The following RORB variants were observed in gnomAD, a reference collection of about 807,000 sequenced individuals.
RORB encodes the protein nuclear receptor ROR-beta.
RORB carries 6 observed loss-of-function variants against 59.1 expected under a neutral mutation model. The observed-to-expected ratio is 0.10, with a 90% CI of 0.06 to 0.20. The LOEUF is 0.20. Among genes scored for constraint, RORB ranks in the 10% least tolerant of loss-of-function variants. RORB has a pLI of 1.00. For missense variants in RORB, 320 were observed against 560.5 expected (o/e 0.57, Z 4.33); for synonymous variants, 215 against 204.5 (o/e 1.05, Z -0.44).
chr9:74,564,051 G>A (rs919262640), intron 1 of RORB, among the ~76,000 whole-genome samples: 5 of 152,048 alleles, frequency 3.3e-5, no homozygotes, highest in Non-Finnish European at 5.9e-5. Flanking sequence ...TCTCTTCTTC[G>A]ACACATATCA....
intron 1 of RORB, chr9:74,498,277 C>G (rs939642692): frequency 1.3e-5 from 6 of 455,498 alleles, no homozygotes; most frequent in East Asian, 9.9e-5. Flanking sequence ...TTTTGCTTGT[C>G]GCTCTCGGGT....
intron 1 of RORB, among the ~76,000 whole-genome samples, chr9:74,606,935 T>C (rs1823158708): frequency 4.6e-5 from 7 of 152,208 alleles, no homozygotes; most frequent in Admixed American, 4.6e-4. Context: ...TTGTTGTTCT[T>C]GTTGTTGTGA....
At chr9:74,680,578 T>C (rs1191522793) in intron 9 of RORB, among the ~76,000 whole-genome samples, 4 of 152,148 alleles carry the variant, frequency 2.6e-5, no homozygotes, top group African/African-American at 4.8e-5. Context: ...GTCAGGATTG[T>C]GGGGGCAGGG....
At chr9:74,596,805 T>A (rs995013939) in intron 1 of RORB, among the ~76,000 whole-genome samples, 1 of 152,226 alleles carries the variant, frequency 6.6e-6, no homozygotes, top group Non-Finnish European at 1.5e-5. Context: ...TTTAAGCTAA[T>A]TAAAATGAAA....
At chr9:74,576,078 C>T (rs1055919999) in intron 1 of RORB, among the ~76,000 whole-genome samples, 15 of 152,000 alleles carry the variant, frequency 9.9e-5, no homozygotes, top group African/African-American at 3.1e-4. Flanking sequence ...TAAACAGCCT[C>T]GCTGTTTGTG....
At chr9:74,522,135 A>G (rs1826093101) in intron 1 of RORB, among the ~76,000 whole-genome samples, 1 of 151,790 alleles carries the variant, frequency 6.6e-6, no homozygotes, top group Non-Finnish European at 1.5e-5. Flanking sequence ...TCTAGAAAAC[A>G]TTTATAATTA....
chr9:74,608,505 A>C (rs1823184330), intron 1 of RORB, among the ~76,000 whole-genome samples: 1 of 149,094 alleles, frequency 6.7e-6, no homozygotes, highest in East Asian at 2.0e-4. Context: ...CGGAGCTTGC[A>C]GTGAGCCGAG....
At chr9:74,623,731 A>G (rs921200740) in intron 1 of RORB, among the ~76,000 whole-genome samples, 44 of 152,168 alleles carry the variant, frequency 2.9e-4, no homozygotes, top group African/African-American at 9.9e-4. Context: ...GGAGATGCCA[A>G]TGCCACTGTT....
Position 74,685,515 on chromosome 9 carries a change from A to G in RORB, c.1277A>G (p.Lys426Arg), listed in dbSNP as rs1477081679. 1 of 1,613,364 alleles carries G rather than the reference A, an allele frequency of 6.2e-7. No homozygotes were observed. The highest frequency in any genetic ancestry group is 8.5e-7 in the Non-Finnish European group (1 of 1,179,526). Residue 426 changes from lysine (K) to arginine (R), a missense_variant, in exon 10 of 10, where the codon AAG becomes AGG. Lys to Arg is a conservative substitution (Grantham distance 26). Transcript: ENST00000376896. ...GCAGTTTGCAACTTGCACGGGGAGAAGCTGCAGGTATTTAAGCAATCTCAT... is the reference window on the plus strand; with the variant it reads ...GCAGTTTGCAACTTGCACGGGGAGAGGCTGCAGGTATTTAAGCAATCTCAT... ...ITAVCNLHGEKLQVFKQSHPE... is the reference protein window; with the variant it reads ...ITAVCNLHGERLQVFKQSHPE...
intron 1 of RORB, among the ~76,000 whole-genome samples, chr9:74,602,758 A>T (rs995634562): frequency 4.5e-4 from 68 of 152,172 alleles, no homozygotes; most frequent in Admixed American, 2.0e-4. Flanking sequence ...CTGTAGAGAA[A>T]TTTTTCACTG....
At chr9:74,567,090 T>C (rs1275165765) in intron 1 of RORB, among the ~76,000 whole-genome samples, 2 of 151,680 alleles carry the variant, frequency 1.3e-5, no homozygotes, top group Non-Finnish European at 2.9e-5. Context: ...TGCAACGGCG[T>C]GATCTCGGCT....
At chr9:74,627,160 C>CA (rs5898367) in intron 1 of RORB, among the ~76,000 whole-genome samples, 80,836 of 132,608 alleles carry the variant, frequency 0.61, 24,567 homozygotes, top group Non-Finnish European at 0.69. Flanking sequence ...GACTCCATCT[C>CA]AAAAAAAAAA....
At chr9:74,603,747 C>T (rs1179842963) in intron 1 of RORB, among the ~76,000 whole-genome samples, 2 of 152,168 alleles carry the variant, frequency 1.3e-5, no homozygotes, top group Non-Finnish European at 2.9e-5. Flanking sequence ...TTATAGATGG[C>T]TCTAATACAT....
In RORB at chr9:74,527,743, G is replaced by T. The variant is rs1826177638; in HGVS notation, c.7+29760G>T. Among the ~76,000 whole-genome samples, 3 of 152,024 alleles carry T rather than the reference G, an allele frequency of 2.0e-5. No homozygotes were observed. The South Asian group carries it at 6.2e-4, about 31-fold the overall frequency. The stretch of plus-strand genomic sequence containing the variant: ...GCTCTTTGCACCATATCCTGTGCCT[G>T]TCTTGGGAGTTTAGGAGTTGTCCCT... On this transcript the variant is annotated intron_variant, in intron 1 of 9. Coordinates refer to ENST00000376896, the MANE Select transcript of RORB (RefSeq NM_006914.4).
chr9:74,636,422 A>G (rs561411910), intron 3 of RORB, among the ~76,000 whole-genome samples: 1 of 152,300 alleles, frequency 6.6e-6, no homozygotes, highest in African/African-American at 2.4e-5. Context: ...CATGGGCAAG[A>G]GATGAATATA....
At chr9:74,534,450 T>A (rs1038196616) in intron 1 of RORB, among the ~76,000 whole-genome samples, 3 of 152,066 alleles carry the variant, frequency 2.0e-5, no homozygotes, top group African/African-American at 7.2e-5. Context: ...GTCTTTAGCA[T>A]CATTAATGAG....
intron 3 of RORB, among the ~76,000 whole-genome samples, chr9:74,637,538 G>T (rs970748920): frequency 6.6e-6 from 1 of 152,156 alleles, no homozygotes; most frequent in East Asian, 1.9e-4. Flanking sequence ...CTGTGTGTGT[G>T]TGTGAATTGG....
rs552550440 is a variant in RORB, at chr9:74,573,382, T to A, written c.8-56900T>A. ...CTAAATGACAACGTCAGTGCTTGAATTTTTTCCACAGAAGGCCAGGAAGCA... is the reference window on the plus strand; with the variant it reads ...CTAAATGACAACGTCAGTGCTTGAAATTTTTCCACAGAAGGCCAGGAAGCA... On this transcript the variant is annotated intron_variant, in intron 1 of 9. Transcript: ENST00000376896. Among the ~76,000 whole-genome samples, 5 of 151,056 alleles carry A rather than the reference T, an allele frequency of 3.3e-5. No homozygotes were observed. The East Asian group carries it at 9.8e-4, about 30-fold the overall frequency.
At chr9:74,650,457 C>T (rs1037059192) in intron 4 of RORB, among the ~76,000 whole-genome samples, 7 of 152,176 alleles carry the variant, frequency 4.6e-5, no homozygotes, top group South Asian at 4.1e-4. Flanking sequence ...GTGTGATTAG[C>T]GTGGTATGCA....
Sources: allele counts gnomAD v4.1 joint callset (sites outside exome capture counted in the v4.1 genomes callset), GRCh38; gene constraint gnomAD v4.1.1; transcripts MANE v1.5; gene names NCBI Gene and HGNC (gene_info 2026-07-23, HGNC 2026-07-21).